The following ITGA7 variants were observed in gnomAD, a reference collection of about 807,000 sequenced individuals.
ITGA7 encodes integrin subunit alpha 7.
Under a neutral mutation model 131.6 loss-of-function variants are expected in ITGA7, and 84 were observed. That is an observed-to-expected ratio of 0.64 (90% confidence interval 0.54 to 0.77). The LOEUF is 0.77. Ranked by LOEUF, ITGA7 falls within the 30% of genes least tolerant of loss-of-function variation. The pLI is 0.00. For missense variants in ITGA7, 1,399 were observed against 1,482.9 expected (o/e 0.94, Z 0.93); for synonymous variants, 548 against 600.7 (o/e 0.91, Z 1.28).
upstream of ITGA7, chr12:55,711,946 T>C (rs1290070266): frequency 2.4e-6 from 2 of 834,944 alleles, no homozygotes; most frequent in South Asian, 1.5e-5. Context: ...GAACACACAC[T>C]TCAGGGCTAA....
rs897216740 is a variant in ITGA7, at chr12:55,695,241, T to A, written c.2004-271A>T. The A allele has an allele frequency of 8.4e-6, 5 of 597,356 alleles. No individual in the cohort carries two copies. In the African/African-American group the frequency reaches 9.3e-5, roughly 11 times the overall value. 37.0% of individuals were successfully genotyped at this position (597,356 alleles called of 1,614,324 possible). On this transcript the variant is annotated intron_variant, in intron 14 of 24. Coordinates refer to ENST00000257879, the MANE Select transcript of ITGA7 (RefSeq NM_002206.3). ...CTCCATCTATAAAATGAGACTAATA[T>A]AATTCCTACCTCACAGAGGTTTGAA...
chr12:55,688,137 C>A (rs1290503569), intron 23 of ITGA7, 41 bp from the exon 24 acceptor site: 3 of 1,614,018 alleles, frequency 1.9e-6, no homozygotes. Flanking sequence ...GTCAATGGAA[C>A]AAGAACTGGA....
chr12:55,707,819 A>AGGCCG lies in ITGA7; in HGVS notation c.-138_-137insCGGCC. The AGGCCG allele has an allele frequency of 7.2e-7, 1 of 1,380,078 alleles. No homozygotes were observed. Among genetic ancestry groups the AGGCCG allele is most frequent in the Non-Finnish European group, 9.5e-7 (1 of 1,050,516 alleles). The allele number at this position is 1,380,078 out of a possible 1,614,324, so 85.5% of individuals were successfully genotyped here. On this transcript the variant is annotated 5_prime_UTR_variant, in exon 1 of 25. Coordinates refer to ENST00000257879, the MANE Select transcript of ITGA7 (RefSeq NM_002206.3). ...ACGTCTCCCAGACGTTCGCCCCGCC[A>AGGCCG]GCCCTCCCGCCCGCCCGCCGCTCCG... is the stretch of plus-strand genomic sequence containing the variant.
At chr12:55,703,326 C>A in intron 1 of ITGA7, 148 bp from the exon 2 acceptor site, 1 of 872,808 alleles carries the variant, frequency 1.1e-6, no homozygotes, top group Non-Finnish European at 1.7e-6. Context: ...TTTTCTCAAA[C>A]CCTGGCAAGG....
chr12:55,707,912 C>T, upstream of ITGA7: 1 of 1,402,260 alleles, frequency 7.1e-7, no homozygotes, highest in Non-Finnish European at 9.2e-7. Flanking sequence ...CACTCCGGCT[C>T]CCGCCTCCTC....
At position 55,701,005 on chromosome 12, in the gene ITGA7, G is replaced by A. The variant is rs763955304; in HGVS notation, c.564C>T (p.Pro188=). The change falls in exon 4 of 25, where the codon CCC becomes CCT. Residue 188 remains proline (P), a synonymous_variant. Transcript: ENST00000257879. Reference sequence around the variant, plus strand: ...AGAACCCAAATTGTTCATGGCCTTGGGGGCGTCCCTCACAGAACTTCCATT... The same window carrying A: ...AGAACCCAAATTGTTCATGGCCTTGAGGGCGTCCCTCACAGAACTTCCATT... ...GGEWKFCEGR[P]QGHEQFGFCQ... 14 of 1,614,106 alleles carry A rather than the reference G, an allele frequency of 8.7e-6. No homozygotes were observed. The highest frequency in any genetic ancestry group is 9.3e-6 in the Non-Finnish European group (11 of 1,180,046).
chr12:55,694,321 C>T lies in ITGA7; in HGVS notation c.2367G>A (p.Glu789=), dbSNP rs1367063515. ...GTGCAGAGACTGGATGCAGCTCCTGCTCACTGATCCTGGTGAGTGGGCAGG... is the reference window on the plus strand; with the variant it reads ...GTGCAGAGACTGGATGCAGCTCCTGTTCACTGATCCTGGTGAGTGGGCAGG... ...EVELLLATIS[E]QELHPVSARA... is the part of the protein sequence containing the mutation. The change falls in exon 18 of 25, where the codon GAG becomes GAA. Residue 789 remains glutamate, a synonymous_variant. Coordinates refer to ENST00000257879, the MANE Select transcript of ITGA7 (RefSeq NM_002206.3). The surrounding 1 kb of genome is among the most constrained non-coding windows in gnomAD (Gnocchi z 5.3). 1.9e-6 allele frequency: 3 copies of T among 1,613,884 alleles called. No homozygotes were observed. The South Asian group carries it at 3.3e-5, about 18-fold the overall frequency.
upstream of ITGA7, among the ~76,000 whole-genome samples, chr12:55,714,208 C>A (rs1398943375): frequency 6.6e-6 from 1 of 150,814 alleles, no homozygotes; most frequent in Non-Finnish European, 1.5e-5. Flanking sequence ...GAAATGCCAT[C>A]TCTACTAAAA....
chr12:55,694,712 G>A lies in ITGA7; in HGVS notation c.2197-17C>T. 1 of 1,614,062 alleles carries A rather than the reference G, an allele frequency of 6.2e-7. No homozygotes were observed. Among genetic ancestry groups the A allele is most frequent in the South Asian group, 1.1e-5 (1 of 91,082 alleles). On this transcript the variant is annotated splice_polypyrimidine_tract_variant and intron_variant, in intron 15 of 24. Coordinates refer to ENST00000257879, the MANE Select transcript of ITGA7 (RefSeq NM_002206.3). The surrounding 1 kb of genome is among the most constrained non-coding windows in gnomAD (Gnocchi z 5.3). ...TGGCTTCTCCTGGAATGGGAGAGAA[G>A]GCAAGGTCAGTCTGGGTTACTGGAG...
intron 4 of ITGA7, chr12:55,700,208 C>A: frequency 6.4e-7 from 1 of 1,561,896 alleles, no homozygotes; most frequent in South Asian, 1.2e-5. Flanking sequence ...AGAGAGAGGA[C>A]AAGAGAGAGG....
chr12:55,712,484 G>T, upstream of ITGA7: 1 of 581,524 alleles, frequency 1.7e-6, no homozygotes, highest in Non-Finnish European at 3.1e-6. Flanking sequence ...AGTCAGTTTG[G>T]AGCTTGCTAA....
chr12:55,684,950 C>T lies in ITGA7; in HGVS notation c.*108G>A, dbSNP rs890934988. 7.6e-5 allele frequency: 73 copies of T among 963,876 alleles called. No homozygotes were observed. The highest frequency in any genetic ancestry group is 9.8e-5 in the Non-Finnish European group (65 of 665,598). 59.7% of individuals were successfully genotyped at this position (963,876 alleles called of 1,614,324 possible). ...TGTGCCCCTGAGGAAGCCGATCCTG[C>T]CAAATCTTGATGCGACACCAGCAGC... On this transcript the variant is annotated 3_prime_UTR_variant, in exon 25 of 25. Coordinates refer to ENST00000257879, the MANE Select transcript of ITGA7 (RefSeq NM_002206.3).
upstream of ITGA7, chr12:55,712,428 C>T (rs1428120733): frequency 1.1e-5 from 7 of 639,304 alleles, no homozygotes; most frequent in Non-Finnish European, 2.9e-6. Flanking sequence ...CAGCCCTCAT[C>T]CAACCCCTAA....
In ITGA7 at chr12:55,698,520, C is replaced by T; in HGVS notation, c.1055G>A (p.Gly352Glu). The T allele has an allele frequency of 2.5e-6, 4 of 1,614,048 alleles. No individual in the cohort carries two copies. Among genetic ancestry groups the T allele is most frequent in the South Asian group, 1.1e-5 (1 of 91,084 alleles). ...GTTCAAGTACACATACACAGCACCCCCCAGCTCTTCTTGGCGCTCAAAGAA... is the reference window on the plus strand; with the variant it reads ...GTTCAAGTACACATACACAGCACCCTCCAGCTCTTCTTGGCGCTCAAAGAA... ...PYFFERQEEL[G>E]GAVYVYLNQG... The change falls in exon 7 of 25, where the codon GGG (glycine) becomes GAG (glutamate). Residue 352 changes from glycine to glutamate, a missense_variant. Physicochemically the swap from Gly to Glu is moderately conservative, Grantham distance 98. Coordinates refer to ENST00000257879, the MANE Select transcript of ITGA7 (RefSeq NM_002206.3).
intron 1 of ITGA7, among the ~76,000 whole-genome samples, chr12:55,705,313 C>T (rs1002686325): frequency 7.3e-5 from 11 of 151,588 alleles, no homozygotes; most frequent in African/African-American, 2.2e-4. Flanking sequence ...TCATGCCATA[C>T]GCCCTAACCA....
upstream of ITGA7, among the ~76,000 whole-genome samples, chr12:55,715,610 C>G (rs1876455551): frequency 6.6e-6 from 1 of 152,194 alleles, no homozygotes; most frequent in Admixed American, 6.5e-5. Context: ...TAAAATGCTT[C>G]TCTACAATGA....
At chr12:55,700,170 A>T (rs2136048813) in intron 4 of ITGA7, 181 bp from the exon 5 acceptor site, 3 of 1,484,050 alleles carry the variant, frequency 2.0e-6, no homozygotes, top group Non-Finnish European at 2.8e-6. Flanking sequence ...TGAGAGACAG[A>T]AACAGAGACA....
rs150089409 is a variant in ITGA7 at position 55,696,955 on chromosome 12, C to T, written c.1681G>A (p.Val561Met). 3.3e-4 allele frequency: 533 copies of T among 1,614,054 alleles called. 1 individual carries two copies. The highest frequency in any genetic ancestry group is 1.2e-3 in the East Asian group (56 of 44,898). The change falls in exon 12 of 25, where the codon GTG becomes ATG. Residue 561 changes from valine (V) to methionine (M), a missense_variant. Transcript: ENST00000257879. The stretch of plus-strand genomic sequence containing the variant: ...CGGTCATGCTGGTGCTTCAGCCACA[C>T]GGTGCCCGAGGCCTGGTGCTTGGGT... ...EEPKHQASGTVWLKHQHDRVC... is the reference protein window; with the variant it reads ...EEPKHQASGTMWLKHQHDRVC...
chr12:55,716,108 C>T (rs1876498967), upstream of ITGA7: 3 of 1,603,502 alleles, frequency 1.9e-6, no homozygotes, highest in African/African-American at 1.3e-5. Context: ...GGGGGCCCGG[C>T]GTACCCAGCC....
Sources: allele counts gnomAD v4.1 joint callset (sites outside exome capture counted in the v4.1 genomes callset), GRCh38; gene constraint gnomAD v4.1.1; non-coding constraint Gnocchi (gnomAD v3.1); transcripts MANE v1.5; gene names NCBI Gene and HGNC (gene_info 2026-07-23, HGNC 2026-07-21).